Variants in UNC79 observed in about 807,000 individuals in gnomAD.
The protein encoded by UNC79 is protein unc-79 homolog.
In UNC79, 37 loss-of-function variants were observed where a neutral mutation model predicts 283.1. That is an observed-to-expected ratio of 0.13 (90% CI 0.10 to 0.17). UNC79 has a LOEUF of 0.17. Among genes scored for constraint, UNC79 ranks in the 10% least tolerant of loss-of-function variants. The probability of loss-of-function intolerance (pLI) is 1.00; values close to 1 mark genes in which losing one functional copy is unlikely to be tolerated. For missense variants in UNC79, 2,272 were observed against 3,211.1 expected (o/e 0.71, Z 7.07); for synonymous variants, 1,107 against 1,200.2 (o/e 0.92, Z 1.61).
intron 26 of UNC79, among the ~76,000 whole-genome samples, chr14:93,604,652 ATTG>A (rs967102584): frequency 2.6e-5 from 4 of 152,198 alleles, no homozygotes; most frequent in African/African-American, 9.6e-5. Flanking sequence ...AAGTATATTT[ATTG>A]TTATTTCTTG....
At chr14:93,605,091 C>T in intron 26 of UNC79, 130 bp downstream of exon 27, 1 of 905,458 alleles carries the variant, frequency 1.1e-6, no homozygotes, top group Non-Finnish European at 1.5e-6. Flanking sequence ...GGTCTTACCC[C>T]AGATGTTCAA....
exon 15 of UNC79, chr14:93,572,025 G>T (rs1194195201): frequency 6.2e-7 from 1 of 1,614,180 alleles, no homozygotes; most frequent in Admixed American, 1.7e-5. Flanking sequence ...CGGAATGGCT[G>T]GAAGCCATCA....
At chr14:93,669,867 C>G (rs1233649769) in intron 40 of UNC79, among the ~76,000 whole-genome samples, 1 of 152,058 alleles carries the variant, frequency 6.6e-6, no homozygotes, top group African/African-American at 2.4e-5. Context: ...GGCTGCAAAC[C>G]ATTTCTGCAA....
In UNC79 at chr14:93,684,728, G is replaced by A. The variant is rs141982404; in HGVS notation, c.6820-1844G>A. On this transcript the variant is annotated intron_variant, in intron 42 of 48. Coordinates refer to ENST00000555664, the Ensembl canonical transcript of UNC79. The stretch of plus-strand genomic sequence containing the variant: ...TGGTGATTTCAATTTTAATTTTAAT[G>A]ATCTGTATTTTCCAAATTTCCTATA... Among the ~76,000 whole-genome samples the A allele has an allele frequency of 3.5e-3, 533 of 152,214 alleles. 2 individuals are homozygous for A. The highest frequency in any genetic ancestry group is 0.012 in the African/African-American group (510 of 41,546).
chr14:93,436,697 A>G (rs1460624332), intron 1 of UNC79, among the ~76,000 whole-genome samples: 1 of 152,218 alleles, frequency 6.6e-6, no homozygotes, highest in African/African-American at 2.4e-5. Context: ...GCATAAATAA[A>G]CATATATATT....
exon 16 of UNC79, chr14:93,572,815 A>G: frequency 5.0e-6 from 8 of 1,613,242 alleles, no homozygotes; most frequent in Non-Finnish European, 6.8e-6. Context: ...CTGTGGCTTC[A>G]TGTAAGTGAA....
chr14:93,629,115 C>G (rs1446509573), intron 30 of UNC79, among the ~76,000 whole-genome samples: 2 of 152,134 alleles, frequency 1.3e-5, no homozygotes, highest in East Asian at 1.9e-4. Flanking sequence ...AGGAGAATCA[C>G]TTGAACCTAG....
intron 4 of UNC79, among the ~76,000 whole-genome samples, chr14:93,485,210 GTA>G (rs67783539): frequency 0.38 from 56,294 of 147,530 alleles, 11,009 homozygotes; most frequent in East Asian, 0.66. Flanking sequence ...ATATATATGT[GTA>G]TATATATATA....
rs577987587 is a variant in UNC79, at chr14:93,558,669, G to A, written c.1756-13225G>A. ...TACTTAACTGGTTTGCACAGAGAGC[G>A]AGAGGCCGGGGCCCTGGCTGGTAAG... On this transcript the variant is annotated intron_variant, in intron 14 of 48. Coordinates refer to ENST00000555664, the Ensembl canonical transcript of UNC79. Among the ~76,000 whole-genome samples, 261 of 136,150 alleles carry A rather than the reference G, an allele frequency of 1.9e-3. 2 individuals carry two copies. Among genetic ancestry groups the A allele is most frequent in the African/African-American group, 6.8e-3 (246 of 36,252 alleles). 89.3% of individuals were successfully genotyped at this position (136,150 alleles called of 152,430 possible). A position where few individuals can be genotyped will look rare whatever the true frequency, so the allele number is the denominator to read the frequency against.
At chr14:93,362,829 G>C (rs1297319936) in intron 1 of UNC79, among the ~76,000 whole-genome samples, 1 of 152,032 alleles carries the variant, frequency 6.6e-6, no homozygotes, top group African/African-American at 2.4e-5. Context: ...GTTGGTGGTG[G>C]TGTCCCTTTT....
In UNC79 at chr14:93,398,142, A is replaced by G. The variant is rs190739392; in HGVS notation, c.-351+64619A>G. Among the ~76,000 whole-genome samples the G allele has an allele frequency of 4.8e-3, 729 of 152,244 alleles. 4 individuals are homozygous for G. Among genetic ancestry groups the G allele is most frequent in the African/African-American group, 0.016 (683 of 41,512 alleles). ...GGTTGTGTAGTAGTACTTCACTAGA[A>G]AAAAAGTCTGGCTGTTCTGTTTTAC... On this transcript the variant is annotated intron_variant, in intron 1 of 49. Transcript: ENST00000256339.
At chr14:93,415,053 C>G (rs1432395037) in intron 1 of UNC79, among the ~76,000 whole-genome samples, 1 of 152,168 alleles carries the variant, frequency 6.6e-6, no homozygotes, top group Admixed American at 6.5e-5. Flanking sequence ...ACTTCCAACA[C>G]TATGTTGAAT....
At chr14:93,385,242 C>T (rs930527226) in intron 1 of UNC79, among the ~76,000 whole-genome samples, 1 of 152,126 alleles carries the variant, frequency 6.6e-6, no homozygotes, top group Non-Finnish European at 1.5e-5. Context: ...TGCATTGAAT[C>T]TGTAGATTGC....
intron 1 of UNC79, among the ~76,000 whole-genome samples, chr14:93,377,311 G>T (rs2054581479): frequency 6.6e-6 from 1 of 151,984 alleles, no homozygotes; most frequent in South Asian, 2.1e-4. Flanking sequence ...AGCCAGGATG[G>T]TCTTGATCTC....
At chr14:93,536,782 CTTT>C (rs35677025) in intron 11 of UNC79, among the ~76,000 whole-genome samples, 8 of 82,432 alleles carry the variant, frequency 9.7e-5, no homozygotes, top group African/African-American at 2.6e-4. Context: ...CCACCCCCGG[CTTT>C]TTTTTTTTTT....
chr14:93,575,102 A>T, exon 17 of UNC79: 1 of 1,613,806 alleles, frequency 6.2e-7, no homozygotes, highest in Non-Finnish European at 8.5e-7. Flanking sequence ...AACTACTAAT[A>T]AGTATGTTTT....
In UNC79 at chr14:93,514,499, A is replaced by T. The variant is rs563957653; in HGVS notation, c.899-9479A>T. Among the ~76,000 whole-genome samples, 30 of 152,280 alleles carry T rather than the reference A, an allele frequency of 2.0e-4. No homozygotes were observed. In the South Asian group the frequency reaches 6.2e-3, roughly 32 times the overall value. On this transcript the variant is annotated intron_variant, in intron 7 of 48. Transcript: ENST00000555664. ...CCTCCAAAATCTCTGTTCTGCTTTC[A>T]ACCATTGAGCAGAGTTCTCTGCTAG...
chr14:93,398,837 C>A (rs185509855), intron 1 of UNC79, among the ~76,000 whole-genome samples: 1 of 152,218 alleles, frequency 6.6e-6, no homozygotes, highest in East Asian at 1.9e-4. Flanking sequence ...GGTTAAAGGA[C>A]TGTGGCATGT....
chr14:93,638,554 T>G (rs1040602190), intron 32 of UNC79, among the ~76,000 whole-genome samples: 7 of 152,206 alleles, frequency 4.6e-5, no homozygotes, highest in Non-Finnish European at 1.0e-4. Flanking sequence ...CTTCATAATT[T>G]TTCCTGTCTC....
Sources: gnomAD v4.1 joint callset for allele counts (sites outside exome capture counted in the v4.1 genomes callset) on GRCh38, gnomAD v4.1.1 for gene constraint, MANE v1.5 for transcripts, NCBI Gene and HGNC (gene_info 2026-07-23, HGNC 2026-07-21) for gene names.